Variants in CASC3 observed in about 807,000 individuals in gnomAD.
CASC3 encodes the protein CASC3 exon junction complex subunit, also known as protein CASC3.
A neutral mutation model predicts 80.5 loss-of-function variants in CASC3; 30 were observed. That is an observed-to-expected ratio of 0.37 (90% CI 0.28 to 0.51). The LOEUF is 0.51. Ranked by LOEUF, CASC3 falls within the 20% of genes least tolerant of loss-of-function variation. CASC3 has a pLI of 0.94. For missense variants in CASC3, 824 were observed against 922.2 expected (o/e 0.89, Z 1.38); for synonymous variants, 312 against 333.6 (o/e 0.94, Z 0.70).
At chr17:40,148,795 C>G (rs1988923633) in intron 3 of CASC3, among the ~76,000 whole-genome samples, 1 of 152,222 alleles carries the variant, frequency 6.6e-6, no homozygotes, top group South Asian at 2.1e-4. Context: ...GACACCAGTA[C>G]TATACAGGTC....
At chr17:40,154,244 G>A (rs938887250) in intron 3 of CASC3, among the ~76,000 whole-genome samples, 1 of 150,938 alleles carries the variant, frequency 6.6e-6, no homozygotes, top group Non-Finnish European at 1.5e-5. Flanking sequence ...ACAAGGTCTT[G>A]CTGTATTATC....
chr17:40,154,113 T>G (rs1167962800), intron 3 of CASC3, among the ~76,000 whole-genome samples: 1 of 151,578 alleles, frequency 6.6e-6, no homozygotes, highest in African/African-American at 2.4e-5. Flanking sequence ...GCGTTTTTTT[T>G]TTTTTTTTTT....
intron 3 of CASC3, among the ~76,000 whole-genome samples, chr17:40,155,542 G>A (rs1197420057): frequency 1.3e-5 from 2 of 152,214 alleles, no homozygotes; most frequent in Non-Finnish European, 2.9e-5. Context: ...GGTGAAGACT[G>A]ACCTCAGTGC....
intron 3 of CASC3, among the ~76,000 whole-genome samples, chr17:40,147,392 AT>A (rs1988888061): frequency 6.6e-6 from 1 of 152,106 alleles, no homozygotes; most frequent in African/African-American, 2.4e-5. Flanking sequence ...TAATCACAGC[AT>A]TTTGGGAGGC....
rs1988988730 is a variant in CASC3 at position 40,150,938 on chromosome 17, G to T, written c.297+9331G>T. Among the ~76,000 whole-genome samples, 6 of 151,972 alleles carry T rather than the reference G, an allele frequency of 3.9e-5. No individual in the cohort carries two copies. In the South Asian group the frequency reaches 1.2e-3, roughly 32 times the overall value. Reference sequence around the variant, plus strand: ...TGAGGCAGGAGAATGGTGTGAACCCGGGAGGTGGAGCTTGCAGTGAGCCGA... The same window carrying T: ...TGAGGCAGGAGAATGGTGTGAACCCTGGAGGTGGAGCTTGCAGTGAGCCGA... On this transcript the variant is annotated intron_variant, in intron 3 of 13. Transcript: ENST00000264645.
At position 40,164,922 on chromosome 17, in the gene CASC3, A is replaced by AT. The variant is rs552290996; in HGVS notation, c.1471+774dup. Reference sequence around the variant, plus strand: ...AGGCTCTCACCACCACACCTGGCTAATTTTTTTTTTTTTTTTTTGAGACAG... The same window carrying AT: ...AGGCTCTCACCACCACACCTGGCTAATTTTTTTTTTTTTTTTTTTGAGACAG... On this transcript the variant is annotated intron_variant, in intron 7 of 13. Transcript: ENST00000264645. Among the ~76,000 whole-genome samples the AT allele has an allele frequency of 2.1e-3, 204 of 98,572 alleles. 1 individual carries two copies. The highest frequency in any genetic ancestry group is 3.2e-3 in the South Asian group (10 of 3,120). The allele number at this position is 98,572 out of a possible 152,430, so 64.7% of individuals were successfully genotyped here. A position where few individuals can be genotyped will look rare whatever the true frequency, so the allele number is the denominator to read the frequency against.
chr17:40,142,064 C>A (rs1988732441), intron 3 of CASC3, among the ~76,000 whole-genome samples: 2 of 152,056 alleles, frequency 1.3e-5, no homozygotes, highest in African/African-American at 4.8e-5. Flanking sequence ...GAGAAAGTTT[C>A]CTGTCTTTTG....
intron 3 of CASC3, among the ~76,000 whole-genome samples, chr17:40,149,432 A>G (rs1388315073): frequency 6.6e-6 from 1 of 152,072 alleles, no homozygotes; most frequent in Non-Finnish European, 1.5e-5. Flanking sequence ...TGTTAAAGAA[A>G]TTTGACTGAG....
intron 3 of CASC3, 123 bp from the exon 4 acceptor site, chr17:40,161,630 G>T (rs1333755575): frequency 1.2e-6 from 1 of 803,254 alleles, no homozygotes; most frequent in African/African-American, 1.7e-5. Context: ...AGTGAGCTGA[G>T]ATTGTGCCAC....
chr17:40,159,711 A>ATTTTTTTT (rs71152647), intron 3 of CASC3, among the ~76,000 whole-genome samples: 2 of 93,166 alleles, frequency 2.1e-5, no homozygotes, highest in African/African-American at 9.3e-5. Context: ...TTCCTGGCGA[A>ATTTTTTTT]TTTTTTTTTT....
chr17:40,172,081 T>C lies in CASC3; in HGVS notation c.*1676T>C. ...GTTTAGTTGCAAGGATTTTTCCATG[T>C]GTGGTGGTGTTTTTTGTTACTGTTT... On this transcript the variant is annotated 3_prime_UTR_variant, in exon 14 of 14. Transcript: ENST00000264645. 6 of 1,289,954 alleles carry C rather than the reference T, an allele frequency of 4.7e-6. No individual in the cohort carries two copies. Among genetic ancestry groups the C allele is most frequent in the Non-Finnish European group, 6.1e-6 (6 of 988,862 alleles). 79.9% of individuals were successfully genotyped at this position (1,289,954 alleles called of 1,614,324 possible). A position where few individuals can be genotyped will look rare whatever the true frequency, so the allele number is the denominator to read the frequency against.
Position 40,171,589 on chromosome 17 carries a change from C to G in CASC3, c.*1184C>G. The stretch of plus-strand genomic sequence containing the variant: ...AATATAAAAACTCCTGGGCTTAAGG[C>G]CTAAGGAAGCCAGTCACCTTCTGGG... On this transcript the variant is annotated 3_prime_UTR_variant, in exon 14 of 14. Transcript: ENST00000264645. 1.0e-6 allele frequency: 1 copy of G among 993,794 alleles called. No individual in the cohort carries two copies. Among genetic ancestry groups the G allele is most frequent in the African/African-American group, 1.7e-5 (1 of 57,498 alleles). The allele number at this position is 993,794 out of a possible 1,614,324, so 61.6% of individuals were successfully genotyped here. A position where few individuals can be genotyped will look rare whatever the true frequency, so the allele number is the denominator to read the frequency against.
intron 8 of CASC3, 139 bp from the exon 9 acceptor site, chr17:40,167,359 A>G (rs1889012305): frequency 1.6e-6 from 1 of 617,030 alleles, no homozygotes; most frequent in Non-Finnish European, 2.9e-6. Flanking sequence ...ATATCTTTTC[A>G]TTATTTTTCA....
Position 40,171,985 on chromosome 17 carries a change from A to T in CASC3, c.*1580A>T. ...CCTTAAACCTGAAGATGTCTCCTCAAGCCTGTGGGCAGCATGCCCAGATTC... is the reference window on the plus strand; with the variant it reads ...CCTTAAACCTGAAGATGTCTCCTCATGCCTGTGGGCAGCATGCCCAGATTC... On this transcript the variant is annotated 3_prime_UTR_variant, in exon 14 of 14. Coordinates refer to ENST00000264645, the MANE Select transcript of CASC3 (RefSeq NM_007359.5). The T allele has an allele frequency of 1.6e-6, 2 of 1,289,862 alleles. No homozygotes were observed. The highest frequency in any genetic ancestry group is 2.0e-6 in the Non-Finnish European group (2 of 988,792). The allele number at this position is 1,289,862 out of a possible 1,614,324, so 79.9% of individuals were successfully genotyped here.
chr17:40,163,430 T>G, intron 6 of CASC3, 51 bp from the exon 7 acceptor site: 1 of 1,519,116 alleles, frequency 6.6e-7, no homozygotes, highest in Non-Finnish European at 8.9e-7. Context: ...CCACCGCGCG[T>G]AGCCTCCTTT....
At chr17:40,142,202 A>AT (rs1988735908) in intron 3 of CASC3, among the ~76,000 whole-genome samples, 1 of 152,176 alleles carries the variant, frequency 6.6e-6, no homozygotes, top group Admixed American at 6.5e-5. Context: ...TTGTCTATAC[A>AT]TTTTTAGAAC....
At chr17:40,151,314 T>G (rs1030108531) in intron 3 of CASC3, among the ~76,000 whole-genome samples, 1 of 152,122 alleles carries the variant, frequency 6.6e-6, no homozygotes, top group Middle Eastern at 3.2e-3. Context: ...GGGGTTCAAG[T>G]GATTCTCGTT....
At chr17:40,149,923 GA>G (rs565318149) in intron 3 of CASC3, among the ~76,000 whole-genome samples, 74 of 151,592 alleles carry the variant, frequency 4.9e-4, no homozygotes, top group African/African-American at 1.6e-3. Context: ...AAAAAAAAGG[GA>G]AAAAAAAGAG....
intron 5 of CASC3, 71 bp from the exon 6 acceptor site, chr17:40,162,654 C>T: frequency 6.8e-7 from 1 of 1,465,058 alleles, no homozygotes; most frequent in Non-Finnish European, 9.4e-7. Flanking sequence ...CTCCCTGACC[C>T]ATTTTGTTCA....
Sources: gnomAD v4.1 joint callset for allele counts (sites outside exome capture counted in the v4.1 genomes callset) on GRCh38, gnomAD v4.1.1 for gene constraint, MANE v1.5 for transcripts, NCBI Gene and HGNC (gene_info 2026-07-23, HGNC 2026-07-21) for gene names.